The following ATP9A variants were observed in gnomAD, a reference collection of about 807,000 sequenced individuals.
ATP9A encodes the protein probable phospholipid-transporting ATPase IIA.
A neutral mutation model predicts 144.1 loss-of-function variants in ATP9A; 52 were observed. That is an observed-to-expected ratio of 0.36 (90% CI 0.29 to 0.45). The LOEUF is 0.45. Ranked by LOEUF, ATP9A falls within the 20% of genes least tolerant of loss-of-function variation. ATP9A has a pLI of 1.00. For missense variants in ATP9A, 947 were observed against 1,392.7 expected (o/e 0.68, Z 5.09); for synonymous variants, 582 against 557.4 (o/e 1.04, Z -0.62).
chr20:51,646,959 A>G (rs1311382810), intron 14 of ATP9A, among the ~76,000 whole-genome samples: 1 of 152,056 alleles, frequency 6.6e-6, no homozygotes, highest in Non-Finnish European at 1.5e-5. Context: ...CTCTACTAAA[A>G]AAAAGTGCAA....
chr20:51,690,707 G>T, intron 8 of ATP9A, 32 bp downstream of exon 8: 1 of 1,563,440 alleles, frequency 6.4e-7, no homozygotes, highest in Admixed American at 1.7e-5. Flanking sequence ...CACTCCCGGT[G>T]ACAGGATCCC....
At chr20:51,617,808 A>T (rs1328098090) in intron 21 of ATP9A, among the ~76,000 whole-genome samples, 1 of 152,198 alleles carries the variant, frequency 6.6e-6, no homozygotes, top group Non-Finnish European at 1.5e-5. Context: ...GTGTCCACAT[A>T]GGCATTTACC....
chr20:51,737,759 G>A (rs2077768324), intron 1 of ATP9A, among the ~76,000 whole-genome samples: 1 of 152,080 alleles, frequency 6.6e-6, no homozygotes, highest in South Asian at 2.1e-4. Flanking sequence ...ACTAAGCAGA[G>A]GTACTGTGGT....
At chr20:51,669,929 A>C in intron 13 of ATP9A, 68 bp downstream of exon 13, 5 of 1,015,778 alleles carry the variant, frequency 4.9e-6, no homozygotes, top group South Asian at 1.3e-5. Context: ...TGTGAATTAC[A>C]TCTCAATATA....
chr20:51,672,108 A>G (rs1568814002), intron 11 of ATP9A, among the ~76,000 whole-genome samples: 1 of 152,010 alleles, frequency 6.6e-6, no homozygotes, highest in Non-Finnish European at 1.5e-5. Context: ...CCGGAATTTA[A>G]CTACCTTAGA....
chr20:51,744,235 G>A (rs181839668), intron 1 of ATP9A, among the ~76,000 whole-genome samples: 44 of 152,040 alleles, frequency 2.9e-4, no homozygotes, highest in Admixed American at 5.2e-4. Flanking sequence ...GCCCAATCTC[G>A]GTTCACTGTA....
Position 51,613,816 on chromosome 20 carries a change from G to A in ATP9A, c.2432C>T (p.Ser811Leu). 6.2e-7 allele frequency: 1 copy of A among 1,612,784 alleles called. No homozygotes were observed. Among genetic ancestry groups the A allele is most frequent in the Non-Finnish European group, 8.5e-7 (1 of 1,179,576 alleles). Residue 811 changes from serine (S) to leucine (L), a missense_variant, in exon 23 of 28, where the codon TCG becomes TTG. By Grantham distance (145) the Ser-to-Leu change is moderately radical. Around this residue, in one of 2 missense-constraint regions of ATP9A, gnomAD observed 177 missense variants for 344.9 expected, o/e 0.51. Coordinates refer to ENST00000338821, the MANE Select transcript of ATP9A (RefSeq NM_006045.3). ...GVEGKEGKQA[S>L]LAADFSITQF... ...AGTGATGGAGAAGTCTGCAGCCAACGAAGCCTGTTTTCCTTCCTAAAATCC... is the reference window on the plus strand; with the variant it reads ...AGTGATGGAGAAGTCTGCAGCCAACAAAGCCTGTTTTCCTTCCTAAAATCC...
chr20:51,748,578 A>G (rs1271609436), intron 1 of ATP9A, among the ~76,000 whole-genome samples: 1 of 152,206 alleles, frequency 6.6e-6, no homozygotes, highest in Non-Finnish European at 1.5e-5. Flanking sequence ...CCAAAGTCAA[A>G]AATCTTAATA....
At chr20:51,601,941 C>T (rs2122701436) in intron 27 of ATP9A, among the ~76,000 whole-genome samples, 1 of 152,206 alleles carries the variant, frequency 6.6e-6, no homozygotes, top group East Asian at 1.9e-4. Flanking sequence ...AAGAAAATTA[C>T]AGGGGAAGAA....
chr20:51,686,759 A>G (rs548272642), intron 9 of ATP9A, among the ~76,000 whole-genome samples: 2 of 152,242 alleles, frequency 1.3e-5, no homozygotes, highest in East Asian at 3.9e-4. Context: ...ACATGGTGAA[A>G]TCCCATCTTT....
chr20:51,698,711 C>T (rs1298571934), intron 4 of ATP9A, among the ~76,000 whole-genome samples: 2 of 152,140 alleles, frequency 1.3e-5, no homozygotes, highest in Non-Finnish European at 2.9e-5. Flanking sequence ...AGACGAAGGA[C>T]ACTGTGTTTA....
intron 15 of ATP9A, among the ~76,000 whole-genome samples, chr20:51,637,306 TAAAAAAAAA>T (rs3029335): frequency 0.038 from 3,388 of 90,010 alleles, 158 homozygotes; most frequent in African/African-American, 0.13. Flanking sequence ...TCCCTAACAT[TAAAAAAAAA>T]AAAAAAAAAA....
At chr20:51,741,289 G>A (rs1439407415) in intron 1 of ATP9A, among the ~76,000 whole-genome samples, 1 of 152,084 alleles carries the variant, frequency 6.6e-6, no homozygotes, top group Non-Finnish European at 1.5e-5. Flanking sequence ...ATTAGTAAGT[G>A]GAGCTCACAG....
Position 51,753,587 on chromosome 20 carries a change from T to C in ATP9A, c.68+14715A>G, listed in dbSNP as rs117714673. Among the ~76,000 whole-genome samples the C allele has an allele frequency of 1.1e-3, 164 of 152,178 alleles. 3 individuals are homozygous for C. In the East Asian group the frequency reaches 0.027, roughly 25 times the overall value. Reference sequence around the variant, plus strand: ...GCTAAAAGGTTTGTGTTCATTGTGATTGTCTTTGAAGGAAAAATAACATAA... The same window carrying C: ...GCTAAAAGGTTTGTGTTCATTGTGACTGTCTTTGAAGGAAAAATAACATAA... On this transcript the variant is annotated intron_variant, in intron 1 of 27. Coordinates refer to ENST00000338821, the MANE Select transcript of ATP9A (RefSeq NM_006045.3).
intron 9 of ATP9A, among the ~76,000 whole-genome samples, chr20:51,687,775 A>AGAATG (rs113719960): frequency 5.4e-5 from 8 of 147,570 alleles, no homozygotes; most frequent in African/African-American, 7.6e-5. Context: ...AAAAAAAAAA[A>AGAATG]AATGAATGAA....
chr20:51,670,212 A>T lies in ATP9A; in HGVS notation c.1181-103T>A. The T allele has an allele frequency of 7.0e-6, 6 of 856,672 alleles. No individual in the cohort carries two copies. In the South Asian group the frequency reaches 8.7e-5, roughly 12 times the overall value. The allele number at this position is 856,672 out of a possible 1,614,324, so 53.1% of individuals were successfully genotyped here. A position where few individuals can be genotyped will look rare whatever the true frequency, so the allele number is the denominator to read the frequency against. On this transcript the variant is annotated intron_variant, in intron 12 of 27. Transcript: ENST00000338821. ...CTTTGGAGAGTTTGCCCTATGTCAC[A>T]CACTGCAGTCAGTACTGTCCCTGCT...
intron 1 of ATP9A, among the ~76,000 whole-genome samples, chr20:51,757,112 T>C (rs2077859934): frequency 6.6e-6 from 1 of 152,082 alleles, no homozygotes. Flanking sequence ...GCCAGGGATG[T>C]TGCTAAACAT....
intron 14 of ATP9A, among the ~76,000 whole-genome samples, chr20:51,648,604 G>A (rs779953478): frequency 1.6e-4 from 25 of 152,308 alleles, no homozygotes; most frequent in Admixed American, 5.2e-4. Context: ...GCTGAGGCAG[G>A]ACAGTTGCTT....
chr20:51,642,268 C>T (rs1490565340), intron 14 of ATP9A, among the ~76,000 whole-genome samples: 1 of 151,994 alleles, frequency 6.6e-6, no homozygotes, highest in Admixed American at 6.6e-5. Context: ...AATTCTCCTG[C>T]ATCAGCCTCC....
Sources: allele counts gnomAD v4.1 joint callset (sites outside exome capture counted in the v4.1 genomes callset), GRCh38; gene constraint gnomAD v4.1.1; regional missense constraint gnomAD v4.1.1; transcripts MANE v1.5; gene names NCBI Gene and HGNC (gene_info 2026-07-23, HGNC 2026-07-21).